Variants in DHX57 observed in about 807,000 individuals in gnomAD.
DHX57 encodes the protein putative ATP-dependent RNA helicase DHX57.
A neutral mutation model predicts 156.2 loss-of-function variants in DHX57; 105 were observed. The ratio of observed to expected loss-of-function variants is 0.67; its 90% CI spans 0.57 to 0.79. The LOEUF (loss-of-function observed/expected upper bound fraction) is 0.79, where lower values mean the gene tolerates loss of function less well. Ranked by LOEUF, DHX57 falls within the 30% of genes least tolerant of loss-of-function variation. The pLI, the probability that DHX57 is intolerant of heterozygous loss-of-function variation, is 0.00. For synonymous variants in DHX57, 704 were observed against 595.6 expected, an observed-to-expected ratio of 1.18 and a Z score of -2.65; for missense variants, 1,847 against 1,661.9, an observed-to-expected ratio of 1.11 and a Z score of -1.94.
intron 21 of DHX57, among the ~76,000 whole-genome samples, chr2:38,813,561 A>G (rs962648798): frequency 4.6e-5 from 7 of 151,606 alleles, no homozygotes; most frequent in African/African-American, 1.7e-4. Flanking sequence ...TTTAGTAGAG[A>G]TGGGGTTTCA....
At chr2:38,868,593 A>C (rs951965953) in intron 1 of DHX57, among the ~76,000 whole-genome samples, 182 bp from the exon 2 acceptor site, 6 of 152,156 alleles carry the variant, frequency 3.9e-5, no homozygotes, top group African/African-American at 1.4e-4. Flanking sequence ...AAACTACAAA[A>C]TAAAAAGAGC....
chr2:38,803,457 T>C (rs986107627), intron 22 of DHX57, among the ~76,000 whole-genome samples: 3 of 151,714 alleles, frequency 2.0e-5, no homozygotes, highest in African/African-American at 7.3e-5. Flanking sequence ...CAAAATGCCT[T>C]GACATATTCT....
Position 38,847,084 on chromosome 2 carries a change from A to T in DHX57, c.2165-11T>A. ...CAGGAAATGTACGACCTAGAAAAAC[A>T]AGGAGACAAAATAGAAAGCCTGAGA... On this transcript the variant is annotated splice_polypyrimidine_tract_variant and intron_variant, in intron 10 of 23. Coordinates refer to ENST00000457308, the MANE Select transcript of DHX57 (RefSeq NM_198963.3). 6.2e-7 allele frequency: 1 copy of T among 1,611,642 alleles called. No homozygotes were observed.
chr2:38,828,066 G>C (rs1293532666), intron 14 of DHX57, among the ~76,000 whole-genome samples: 1 of 152,124 alleles, frequency 6.6e-6, no homozygotes, highest in East Asian at 1.9e-4. Flanking sequence ...ACGTTGGTCA[G>C]GCTGGTCTCC....
chr2:38,802,789 C>T lies in DHX57; in HGVS notation c.3943G>A (p.Val1315Met). 6.2e-7 allele frequency: 1 copy of T among 1,614,156 alleles called. No homozygotes were observed. The highest frequency in any genetic ancestry group is 8.5e-7 in the Non-Finnish European group (1 of 1,180,028). The change falls in exon 23 of 24, where the codon GTG becomes ATG. Residue 1315 changes from valine to methionine, a missense_variant. Physicochemically the swap from Val to Met is conservative, Grantham distance 21 (BLOSUM62 1). Transcript: ENST00000457308. ...ACGAACTCTCCTCTTTGAAGCTGCACATTCACTTGGCCTCCTCCAAACAAG... is the reference window on the plus strand; with the variant it reads ...ACGAACTCTCCTCTTTGAAGCTGCATATTCACTTGGCCTCCTCCAAACAAG... ...LVLFGGGQVN[V>M]QLQRGEFVVS...
intron 13 of DHX57, among the ~76,000 whole-genome samples, chr2:38,834,645 G>A (rs1182977486): frequency 6.6e-6 from 1 of 152,118 alleles, no homozygotes; most frequent in African/African-American, 2.4e-5. Context: ...GCTATACGAA[G>A]TGCCACTAGT....
chr2:38,806,910 T>C (rs1044815576), intron 21 of DHX57, among the ~76,000 whole-genome samples: 1 of 149,560 alleles, frequency 6.7e-6, no homozygotes, highest in Non-Finnish European at 1.5e-5. Context: ...ATAGGTGCAG[T>C]GGCTCTGGGT....
At chr2:38,832,644 C>G (rs983708678) in intron 13 of DHX57, among the ~76,000 whole-genome samples, 2 of 151,166 alleles carry the variant, frequency 1.3e-5, no homozygotes, top group Non-Finnish European at 2.9e-5. Flanking sequence ...ATCCTGGGTT[C>G]AAGCAACTCT....
At chr2:38,798,519 A>C in intron 23 of DHX57, 77 bp from the exon 24 acceptor site, 1 of 1,448,534 alleles carries the variant, frequency 6.9e-7, no homozygotes, top group South Asian at 1.5e-5. Context: ...TACCCAAGTT[A>C]TGATTACCAT....
chr2:38,803,364 A>G (rs1037928905), intron 22 of DHX57, among the ~76,000 whole-genome samples: 9 of 152,142 alleles, frequency 5.9e-5, no homozygotes, highest in African/African-American at 9.6e-5. Flanking sequence ...CAGGCCCCCA[A>G]TTTAGGAGTC....
chr2:38,859,469 T>C (rs1673071985), intron 5 of DHX57, among the ~76,000 whole-genome samples: 1 of 152,204 alleles, frequency 6.6e-6, no homozygotes, highest in South Asian at 2.1e-4. Context: ...GTGGTTATTG[T>C]TGCATAATTC....
Position 38,825,915 on chromosome 2 carries a change from G to A in DHX57, c.2946C>T (p.Tyr982=), listed in dbSNP as rs755549345. 3.7e-6 allele frequency: 6 copies of A among 1,614,174 alleles called. No homozygotes were observed. The Admixed American group carries it at 6.7e-5, about 18-fold the overall frequency. ...VCFHLFTSHH[Y]NHQLLKQQLP... ...GCTGTTGTTTTAAAAGCTGGTGATT[G>A]TAGTGATGGCTAGTGAATAAATGGA... The change falls in exon 16 of 24, where the codon TAC becomes TAT. Residue 982 remains tyrosine, a synonymous_variant. Coordinates refer to ENST00000457308, the MANE Select transcript of DHX57 (RefSeq NM_198963.3).
rs765076103 is a variant in DHX57 at position 38,815,705 on chromosome 2, G to C, written c.3472-50C>G. ...AGCAAGGGCATCAGCATAACAAAGT[G>C]TTAAGTCTTACAAAAATGAGTGATT... On this transcript the variant is annotated intron_variant, in intron 19 of 23. Coordinates refer to ENST00000457308, the MANE Select transcript of DHX57 (RefSeq NM_198963.3). 4.3e-6 allele frequency: 7 copies of C among 1,610,002 alleles called. No individual in the cohort carries two copies. The African/African-American group carries it at 8.0e-5, about 18-fold the overall frequency.
At position 38,825,920 on chromosome 2, in the gene DHX57, G is replaced by GA; in HGVS notation, c.2940dup (p.His981SerfsTer27). On this transcript the variant is annotated frameshift_variant, in exon 16 of 24. Coordinates refer to ENST00000457308, the MANE Select transcript of DHX57 (RefSeq NM_198963.3). LOFTEE classifies it high-confidence loss of function. Reference sequence around the variant, plus strand: ...TGTTTTAAAAGCTGGTGATTGTAGTGATGGCTAGTGAATAAATGGAAGCAG... The same window carrying GA: ...TGTTTTAAAAGCTGGTGATTGTAGTGAATGGCTAGTGAATAAATGGAAGCAG... 6.2e-7 allele frequency: 1 copy of GA among 1,614,192 alleles called. No individual in the cohort carries two copies. Among genetic ancestry groups the GA allele is most frequent in the Middle Eastern group, 1.6e-4 (1 of 6,062 alleles).
At position 38,837,915 on chromosome 2, in the gene DHX57, T is replaced by A. The variant is rs764295437; in HGVS notation, c.2458A>T (p.Ile820Phe). ...AGATTCACCTTTTCAAAATCCATGATGGACATTGTTTTGATGACTGACTTG... is the reference window on the plus strand; with the variant it reads ...AGATTCACCTTTTCAAAATCCATGAAGGACATTGTTTTGATGACTGACTTG... The part of the protein sequence containing the change: ...VSKSVIKTMS[I>F]MDFEKVNLEL... The change falls in exon 13 of 24, where the codon ATC (isoleucine) becomes TTC (phenylalanine). Residue 820 changes from isoleucine to phenylalanine, a missense_variant. By Grantham distance (21) the Ile-to-Phe change is conservative (BLOSUM62 0). Transcript: ENST00000457308. 6 of 1,613,482 alleles carry A rather than the reference T, an allele frequency of 3.7e-6. No homozygotes were observed. The highest frequency in any genetic ancestry group is 3.3e-5 in the Admixed American group (2 of 59,984).
intron 21 of DHX57, among the ~76,000 whole-genome samples, chr2:38,810,258 C>G (rs934435430): frequency 6.6e-6 from 1 of 151,436 alleles, no homozygotes; most frequent in Non-Finnish European, 1.5e-5. Context: ...CTGCCCCTCA[C>G]CCTTCCCTTT....
intron 12 of DHX57, among the ~76,000 whole-genome samples, chr2:38,839,832 G>A (rs1324556968): frequency 1.3e-5 from 2 of 152,144 alleles, no homozygotes; most frequent in East Asian, 3.9e-4. Context: ...GTGTGGTTGG[G>A]TGAGAAAGGT....
In DHX57 at chr2:38,823,175, T is replaced by C; in HGVS notation, c.3109A>G (p.Lys1037Glu). 1 of 1,614,182 alleles carries C rather than the reference T, an allele frequency of 6.2e-7. No individual in the cohort carries two copies. The highest frequency in any genetic ancestry group is 8.5e-7 in the Non-Finnish European group (1 of 1,180,040). The change falls in exon 17 of 24, where the codon AAA becomes GAA. Residue 1037 changes from lysine (K) to glutamate (E), a missense_variant. Physicochemically the swap from Lys to Glu is moderately conservative, Grantham distance 56 (BLOSUM62 1). Transcript: ENST00000457308. ...GCTCCTAAGTCTCGTAATCGTATTT[T>C]TGAGGCACGAAGAGAATCGGTGTGT... ...PPHTDSLRAS[K>E]IRLRDLGALT...
intron 10 of DHX57, among the ~76,000 whole-genome samples, chr2:38,847,561 A>C (rs1012490743): frequency 1.3e-5 from 2 of 152,224 alleles, no homozygotes; most frequent in African/African-American, 4.8e-5. Flanking sequence ...TTCCACAATG[A>C]GACTGTGGAA....
Sources: allele counts gnomAD v4.1 joint callset (sites outside exome capture counted in the v4.1 genomes callset), GRCh38; gene constraint gnomAD v4.1.1; transcripts MANE v1.5; gene names NCBI Gene and HGNC (gene_info 2026-07-23, HGNC 2026-07-21).